Variants in GNAQ observed in about 807,000 individuals in gnomAD.
GNAQ encodes the protein guanine nucleotide-binding protein G(q) subunit alpha.
A neutral mutation model predicts 43.9 loss-of-function variants in GNAQ; 8 were observed. That is an observed-to-expected ratio of 0.18 (90% CI 0.11 to 0.33). GNAQ has a LOEUF of 0.33. Ranked by LOEUF, GNAQ falls within the 10% of genes least tolerant of loss-of-function variation. GNAQ has a pLI of 1.00. For missense variants in GNAQ, 158 were observed against 450.8 expected (o/e 0.35, Z 5.88); for synonymous variants, 155 against 170.7 (o/e 0.91, Z 0.71).
intron 5 of GNAQ, among the ~76,000 whole-genome samples, chr9:77,751,819 A>AAAC (rs1564099558): frequency 4.6e-5 from 7 of 151,574 alleles, no homozygotes; most frequent in African/African-American, 1.7e-4. Flanking sequence ...AACAAACAAA[A>AAAC]AAAACAAACG....
intron 1 of GNAQ, among the ~76,000 whole-genome samples, chr9:77,998,586 A>G (rs139830035): frequency 6.6e-6 from 1 of 152,232 alleles, no homozygotes; most frequent in Non-Finnish European, 1.5e-5. Context: ...AATGTCTTCA[A>G]ATTACCTGAT....
intron 1 of GNAQ, among the ~76,000 whole-genome samples, chr9:77,990,638 T>C (rs1218259600): frequency 6.6e-6 from 1 of 152,264 alleles, no homozygotes; most frequent in Non-Finnish European, 1.5e-5. Flanking sequence ...TGAATGCATG[T>C]ATGTGTATAC....
At chr9:77,947,952 T>C (rs964031841) in intron 1 of GNAQ, among the ~76,000 whole-genome samples, 1 of 152,100 alleles carries the variant, frequency 6.6e-6, no homozygotes, top group South Asian at 2.1e-4. Flanking sequence ...CCACCATCCA[T>C]AAAAAGAAGA....
At chr9:77,741,925 A>G (rs1479651508) in intron 5 of GNAQ, among the ~76,000 whole-genome samples, 1 of 152,204 alleles carries the variant, frequency 6.6e-6, no homozygotes, top group Non-Finnish European at 1.5e-5. Flanking sequence ...TTCTGTATCT[A>G]CTAAAAGGTA....
chr9:77,968,314 A>G (rs1441723961), intron 1 of GNAQ, among the ~76,000 whole-genome samples: 1 of 152,228 alleles, frequency 6.6e-6, no homozygotes, highest in Non-Finnish European at 1.5e-5. Context: ...TTCAGATGAA[A>G]TTAAATCCCT....
At chr9:77,851,714 A>C (rs1005532025) in intron 2 of GNAQ, among the ~76,000 whole-genome samples, 5 of 152,138 alleles carry the variant, frequency 3.3e-5, no homozygotes, top group Non-Finnish European at 5.9e-5. Flanking sequence ...GGTTATTACA[A>C]ATGCTGGTAG....
intron 1 of GNAQ, among the ~76,000 whole-genome samples, chr9:77,978,487 T>C (rs1239191080): frequency 6.6e-6 from 1 of 152,230 alleles, no homozygotes; most frequent in African/African-American, 2.4e-5. Context: ...TCACTCCCTT[T>C]GCATTGCTAG....
At chr9:77,771,410 A>G (rs925839160) in intron 5 of GNAQ, among the ~76,000 whole-genome samples, 1 of 152,214 alleles carries the variant, frequency 6.6e-6, no homozygotes, top group Admixed American at 6.5e-5. Context: ...AATCAGGAAG[A>G]GCACGTTTAG....
intron 2 of GNAQ, among the ~76,000 whole-genome samples, chr9:77,859,956 C>A (rs1827816752): frequency 6.6e-6 from 1 of 152,136 alleles, no homozygotes; most frequent in Non-Finnish European, 1.5e-5. Flanking sequence ...TGTTTAACTT[C>A]TTCTTAGGCA....
intron 2 of GNAQ, among the ~76,000 whole-genome samples, chr9:77,886,836 C>T (rs1202036221): frequency 4.6e-5 from 7 of 151,808 alleles, no homozygotes; most frequent in Non-Finnish European, 1.0e-4. Flanking sequence ...CGCAGCCGGG[C>T]ACGGTGGCTC....
chr9:78,005,235 G>T (rs1298723808), intron 1 of GNAQ, among the ~76,000 whole-genome samples: 1 of 152,088 alleles, frequency 6.6e-6, no homozygotes, highest in East Asian at 1.9e-4. Flanking sequence ...TTGTAGAGAT[G>T]GTGTTCTTCA....
intron 2 of GNAQ, among the ~76,000 whole-genome samples, chr9:77,896,044 A>G (rs1346652548): frequency 6.6e-6 from 1 of 152,190 alleles, no homozygotes; most frequent in Non-Finnish European, 1.5e-5. Flanking sequence ...TTCCTAAATT[A>G]GAAAATACCT....
chr9:77,996,200 A>C (rs1214798507), intron 1 of GNAQ, among the ~76,000 whole-genome samples: 1 of 152,194 alleles, frequency 6.6e-6, no homozygotes, highest in Non-Finnish European at 1.5e-5. Context: ...TCCCAGGACC[A>C]CTTTCTACCT....
At position 77,968,899 on chromosome 9, in the gene GNAQ, G is replaced by A. The variant is rs151220095; in HGVS notation, c.137-46554C>T. 2.1e-4 allele frequency among the ~76,000 whole-genome samples: 32 copies of A among 152,328 alleles called. No individual in the cohort carries two copies. In the East Asian group the frequency reaches 6.2e-3, roughly 29 times the overall value. On this transcript the variant is annotated intron_variant, in intron 1 of 6. Transcript: ENST00000286548. The stretch of plus-strand genomic sequence containing the variant: ...GTGGCAAGGTGATTCTGCTCCCAGA[G>A]AGTCTGGGGGAAGTGATGCCACCAG...
chr9:78,016,750 A>G lies in GNAQ; in HGVS notation c.136+14350T>C, dbSNP rs112581781. 6.0e-3 allele frequency among the ~76,000 whole-genome samples: 907 copies of G among 152,266 alleles called. 3 individuals are homozygous for G. Among genetic ancestry groups the G allele is most frequent in the African/African-American group, 0.021 (856 of 41,560 alleles). ...TGATAGAAAATCTAATTCAAATGATAAGTTCAGGCATCTGTTAATTATTTT... is the reference window on the plus strand; with the variant it reads ...TGATAGAAAATCTAATTCAAATGATGAGTTCAGGCATCTGTTAATTATTTT... On this transcript the variant is annotated intron_variant, in intron 1 of 6. Coordinates refer to ENST00000286548, the MANE Select transcript of GNAQ (RefSeq NM_002072.5).
chr9:77,980,106 G>A (rs564146427), intron 1 of GNAQ, among the ~76,000 whole-genome samples: 7 of 152,292 alleles, frequency 4.6e-5, no homozygotes, highest in East Asian at 1.9e-4. Context: ...GATAAACTAC[G>A]TTCTTTGTGG....
At chr9:77,907,950 C>T (rs566111950) in intron 2 of GNAQ, among the ~76,000 whole-genome samples, 2 of 152,234 alleles carry the variant, frequency 1.3e-5, no homozygotes, top group South Asian at 2.1e-4. Context: ...GTCAAGTATA[C>T]GAGCTGCCTT....
In GNAQ at chr9:77,728,535, C is replaced by T. The variant is rs2118217276; in HGVS notation, c.868G>A (p.Asp290Asn). Reference protein sequence around the residue: ...EEKIMYSHLVDYFPEYDGPQR... With the variant: ...EEKIMYSHLVNYFPEYDGPQR... ...TTACCATCATATTCTGGGAAGTAGT[C>T]GACTAGATGGGAATACATGATTTTC... is the stretch of plus-strand genomic sequence containing the variant. Residue 290 changes from aspartate to asparagine, a missense_variant, in exon 6 of 7, where the codon GAC becomes AAC. Physicochemically the swap from Asp to Asn is conservative, Grantham distance 23. Transcript: ENST00000286548. 2 of 1,604,810 alleles carry T rather than the reference C, an allele frequency of 1.2e-6. No individual in the cohort carries two copies. The highest frequency in any genetic ancestry group is 1.1e-5 in the South Asian group (1 of 90,820).
intron 5 of GNAQ, among the ~76,000 whole-genome samples, chr9:77,760,918 G>A (rs1394072243): frequency 6.7e-6 from 1 of 149,806 alleles, no homozygotes; most frequent in Non-Finnish European, 1.5e-5. Flanking sequence ...GGGAGGTGAG[G>A]AGCATCTCTG....
Sources: gnomAD v4.1 joint callset for allele counts (sites outside exome capture counted in the v4.1 genomes callset) on GRCh38, gnomAD v4.1.1 for gene constraint, MANE v1.5 for transcripts, NCBI Gene and HGNC (gene_info 2026-07-23, HGNC 2026-07-21) for gene names.